The following EYA4 variants were observed in gnomAD, a reference collection of about 807,000 sequenced individuals.
EYA4 encodes the protein protein phosphatase EYA4.
Under a neutral mutation model 87.9 loss-of-function variants are expected in EYA4, and 31 were observed. The observed-to-expected ratio is 0.35, with a 90% CI of 0.27 to 0.48. EYA4 has a LOEUF of 0.48. Among genes scored for constraint, EYA4 ranks in the 20% least tolerant of loss-of-function variants. The pLI is 0.99. For missense variants in EYA4, 678 were observed against 761.4 expected (o/e 0.89, Z 1.29); for synonymous variants, 263 against 270.6 (o/e 0.97, Z 0.28).
intron 2 of EYA4, among the ~76,000 whole-genome samples, chr6:133,367,249 C>G (rs1001307084): frequency 6.6e-6 from 1 of 152,094 alleles, no homozygotes; most frequent in Non-Finnish European, 1.5e-5. Flanking sequence ...TTGCTGCCTA[C>G]TTATGTGTAC....
chr6:133,500,954 G>GCT (rs1232845170), intron 13 of EYA4, among the ~76,000 whole-genome samples: 1 of 152,106 alleles, frequency 6.6e-6, no homozygotes, highest in East Asian at 1.9e-4. Context: ...GGCTTATCTT[G>GCT]CTGGGGCCTC....
At position 133,479,767 on chromosome 6, in the gene EYA4, T is replaced by C. The variant is rs142094168; in HGVS notation, c.971-1696T>C. ...CCAGAAAGCTGCCATGAAACTGAGA[T>C]TTAGAGAGATTGAATAAAATGCTTG... On this transcript the variant is annotated intron_variant, in intron 11 of 19. Coordinates refer to ENST00000355286, the MANE Select transcript of EYA4 (RefSeq NM_004100.5). 2.6e-4 allele frequency among the ~76,000 whole-genome samples: 40 copies of C among 152,266 alleles called. No individual in the cohort carries two copies. The East Asian group carries it at 7.3e-3, about 28-fold the overall frequency.
intron 17 of EYA4, among the ~76,000 whole-genome samples, chr6:133,518,398 C>T (rs1346664615): frequency 6.6e-6 from 1 of 152,044 alleles, no homozygotes. Context: ...GAGTTATCCA[C>T]ATATATTACC....
chr6:133,513,920 A>T (rs1335637747), intron 16 of EYA4, among the ~76,000 whole-genome samples: 2 of 152,204 alleles, frequency 1.3e-5, no homozygotes, highest in Non-Finnish European at 2.9e-5. Flanking sequence ...TCACATATAT[A>T]TCATAGAATA....
intron 14 of EYA4, among the ~76,000 whole-genome samples, chr6:133,509,459 G>A (rs1027978140): frequency 6.7e-6 from 1 of 150,332 alleles, no homozygotes; most frequent in Non-Finnish European, 1.5e-5. Flanking sequence ...AGTAGATACT[G>A]CAACATATAT....
intron 13 of EYA4, among the ~76,000 whole-genome samples, chr6:133,491,055 T>G (rs1435702947): frequency 1.3e-5 from 2 of 152,094 alleles, no homozygotes; most frequent in Non-Finnish European, 2.9e-5. Context: ...AATGAGGAAT[T>G]TTGGAAACTG....
chr6:133,263,522 A>G (rs1414620311), intron 1 of EYA4, among the ~76,000 whole-genome samples: 3 of 152,108 alleles, frequency 2.0e-5, no homozygotes, highest in Non-Finnish European at 4.4e-5. Flanking sequence ...CTAGCCTGAT[A>G]TTTTCCCAGA....
chr6:133,291,325 A>G (rs567726344), intron 2 of EYA4, among the ~76,000 whole-genome samples: 21 of 152,328 alleles, frequency 1.4e-4, no homozygotes, highest in South Asian at 2.1e-4. Flanking sequence ...GGATATCTTT[A>G]TAGCTTTATT....
At chr6:133,358,448 A>G (rs1477979609) in intron 2 of EYA4, among the ~76,000 whole-genome samples, 5 of 152,236 alleles carry the variant, frequency 3.3e-5, no homozygotes, top group Non-Finnish European at 7.3e-5. Flanking sequence ...AAATGCATCT[A>G]TAAAGTCATA....
At chr6:133,311,762 G>C (rs1355994975) in intron 2 of EYA4, among the ~76,000 whole-genome samples, 1 of 152,144 alleles carries the variant, frequency 6.6e-6, no homozygotes, top group Non-Finnish European at 1.5e-5. Context: ...GCTCCACGAG[G>C]ACATTCATTA....
At chr6:133,346,193 A>G (rs1321368316) in intron 2 of EYA4, among the ~76,000 whole-genome samples, 2 of 152,196 alleles carry the variant, frequency 1.3e-5, no homozygotes, top group East Asian at 1.9e-4. Flanking sequence ...TGTCATCTGT[A>G]TGTTCCAGAA....
At chr6:133,277,190 T>A (rs904642587) in intron 2 of EYA4, among the ~76,000 whole-genome samples, 2 of 152,206 alleles carry the variant, frequency 1.3e-5, no homozygotes, top group African/African-American at 4.8e-5. Context: ...ACATGCACAC[T>A]GCATCTAGCA....
chr6:133,269,956 G>A (rs979515912), intron 1 of EYA4, among the ~76,000 whole-genome samples: 65 of 152,194 alleles, frequency 4.3e-4, no homozygotes, highest in African/African-American at 1.4e-3. Context: ...TGATGTTCAA[G>A]GACAGGAAGT....
In EYA4 at chr6:133,358,485, G is replaced by A. The variant is rs370274418; in HGVS notation, c.34-23907G>A. Among the ~76,000 whole-genome samples the A allele has an allele frequency of 4.6e-5, 7 of 152,254 alleles. No homozygotes were observed. The East Asian group carries it at 7.7e-4, about 17-fold the overall frequency. On this transcript the variant is annotated intron_variant, in intron 2 of 19. Coordinates refer to ENST00000355286, the MANE Select transcript of EYA4 (RefSeq NM_004100.5). ...TTCTAGATAGAATTCACAGTGAAAAGGAATCATCGAATGTAGTTGGGATTT... is the reference window on the plus strand; with the variant it reads ...TTCTAGATAGAATTCACAGTGAAAAAGAATCATCGAATGTAGTTGGGATTT...
intron 11 of EYA4, among the ~76,000 whole-genome samples, chr6:133,479,528 T>G (rs1213066437): frequency 6.6e-6 from 1 of 152,206 alleles, no homozygotes; most frequent in Non-Finnish European, 1.5e-5. Flanking sequence ...TTGTTCAGAT[T>G]TGTTTATTTA....
At chr6:133,257,351 C>T (rs966129831) in intron 1 of EYA4, among the ~76,000 whole-genome samples, 9 of 152,132 alleles carry the variant, frequency 5.9e-5, no homozygotes, top group Non-Finnish European at 1.3e-4. Flanking sequence ...CTTCCCCCAA[C>T]GTAGGTGAGG....
chr6:133,355,475 A>G (rs1783946360), intron 2 of EYA4, among the ~76,000 whole-genome samples: 1 of 152,222 alleles, frequency 6.6e-6, no homozygotes, highest in African/African-American at 2.4e-5. Context: ...TGTGGTACCT[A>G]TACACCATAG....
At chr6:133,282,348 T>A (rs2128283290) in intron 2 of EYA4, among the ~76,000 whole-genome samples, 1 of 152,330 alleles carries the variant, frequency 6.6e-6, no homozygotes, top group Non-Finnish European at 1.5e-5. Flanking sequence ...ATTAGTGATG[T>A]TAAGCATTTG....
At chr6:133,464,234 G>T (rs1794655621) in intron 9 of EYA4, among the ~76,000 whole-genome samples, 2 of 152,024 alleles carry the variant, frequency 1.3e-5, no homozygotes, top group Admixed American at 6.6e-5. Flanking sequence ...TCAAACCCTA[G>T]ATTTGTGTAC....
Sources: allele counts gnomAD v4.1 joint callset (sites outside exome capture counted in the v4.1 genomes callset), GRCh38; gene constraint gnomAD v4.1.1; transcripts MANE v1.5; gene names NCBI Gene and HGNC (gene_info 2026-07-23, HGNC 2026-07-21).